The following MUC5B variants were observed in gnomAD, a reference collection of about 807,000 sequenced individuals.
The protein encoded by MUC5B is mucin 5B, oligomeric mucus/gel-forming, also known as mucin-5B.
A neutral mutation model predicts 376.9 loss-of-function variants in MUC5B; 116 were observed. That is an observed-to-expected ratio of 0.31 (90% confidence interval 0.26 to 0.36). MUC5B has a LOEUF of 0.36. MUC5B is among the 10% of genes least tolerant of loss of function. The pLI is 1.00. For missense variants in MUC5B, 7,165 were observed against 7,769.9 expected (o/e 0.92, Z 2.93); for synonymous variants, 3,517 against 3,390.9 (o/e 1.04, Z -1.29).
In MUC5B at chr11:1,243,320, C is replaced by A; in HGVS notation, c.6440C>A (p.Thr2147Asn). 6.4e-7 allele frequency: 1 copy of A among 1,557,366 alleles called. No homozygotes were observed. Among genetic ancestry groups the A allele is most frequent in the African/African-American group, 1.4e-5 (1 of 72,946 alleles). ...ATTITATGST[T>N]NPSSTPGTTP... The stretch of plus-strand genomic sequence containing the variant: ...ACGATCACGGCCACCGGCTCCACCA[C>A]CAACCCCTCCTCAACTCCTGGGACA... Residue 2147 changes from threonine to asparagine, a missense_variant, in exon 31 of 49, where the codon ACC (threonine) becomes AAC (asparagine). Thr to Asn is a moderately conservative substitution (Grantham distance 65, BLOSUM62 0). Coordinates refer to ENST00000529681, the MANE Select transcript of MUC5B (RefSeq NM_002458.3).
At chr11:1,251,870 GC>G in intron 31 of MUC5B, 127 bp downstream of exon 31, 1 of 711,012 alleles carries the variant, frequency 1.4e-6, no homozygotes, top group Non-Finnish European at 2.3e-6. Flanking sequence ...GCCTCACTTG[GC>G]CCCTCCCGGC....
rs772992784 is a variant in MUC5B, at chr11:1,244,125, C to A, written c.7245C>A (p.Pro2415=). ...RVFCCNYGHC[P]STPATSSTAM... is the part of the protein sequence containing the mutation. ...TCTGCTGCAACTACGGCCACTGCCC[C>A]AGCACCCCGGCCACCAGCTCTACGG... Residue 2415 remains proline, a synonymous_variant, in exon 31 of 49, where the codon CCC becomes CCA. Transcript: ENST00000529681. 1 of 1,611,944 alleles carries A rather than the reference C, an allele frequency of 6.2e-7. No homozygotes were observed. The highest frequency in any genetic ancestry group is 1.1e-5 in the South Asian group (1 of 91,010).
rs1325688602 is a variant in MUC5B, at chr11:1,231,436, G to T, written c.1554G>T (p.Leu518=). The change falls in exon 14 of 49, where the codon CTG becomes CTT. Residue 518 remains leucine, a synonymous_variant. Transcript: ENST00000529681. The stretch of plus-strand genomic sequence containing the variant: ...CACTCCCGGCAGCCAACATCACCCT[G>T]TTCACACCCTCGAGCTTCTTCATCG... ...QLPLSAANIT[L]FTPSSFFIVV... is the part of the protein sequence containing the mutation. 1 of 1,611,566 alleles carries T rather than the reference G, an allele frequency of 6.2e-7. No homozygotes were observed. Among genetic ancestry groups the T allele is most frequent in the East Asian group, 2.2e-5 (1 of 44,854 alleles).
At position 1,246,921 on chromosome 11, in the gene MUC5B, G is replaced by A. The variant is rs1474512347; in HGVS notation, c.10041G>A (p.Val3347=). 1.2e-6 allele frequency: 2 copies of A among 1,610,150 alleles called. No individual in the cohort carries two copies. The highest frequency in any genetic ancestry group is 1.1e-5 in the South Asian group (1 of 90,880). ...TTTPTTRGST[V]TPSSIPGTTH... The stretch of plus-strand genomic sequence containing the variant: ...CACCCACAACCAGAGGCTCCACGGT[G>A]ACCCCCTCCTCCATCCCGGGGACCA... Residue 3347 remains valine (V), a synonymous_variant, in exon 31 of 49, where the codon GTG becomes GTA. Transcript: ENST00000529681.
chr11:1,231,093 T>A lies in MUC5B; in HGVS notation c.1540+88T>A, dbSNP rs935638821. On this transcript the variant is annotated intron_variant, in intron 13 of 48. Coordinates refer to ENST00000529681, the MANE Select transcript of MUC5B (RefSeq NM_002458.3). ...GCCTGGGCAGCGTCCGCTCCATCCC[T>A]GCTAGTTCTCCGTGGCCTCGGGCAG... is the stretch of plus-strand genomic sequence containing the variant. The A allele has an allele frequency of 2.2e-6, 3 of 1,339,258 alleles. No individual in the cohort carries two copies. The African/African-American group carries it at 4.4e-5, about 20-fold the overall frequency. The allele number at this position is 1,339,258 out of a possible 1,614,324, so 83.0% of individuals were successfully genotyped here. A position where few individuals can be genotyped will look rare whatever the true frequency, so the allele number is the denominator to read the frequency against.
At position 1,258,664 on chromosome 11, in the gene MUC5B, C is replaced by T. The variant is rs1411262500; in HGVS notation, c.16594-278C>T. On this transcript the variant is annotated intron_variant, in intron 43 of 48. Transcript: ENST00000529681. This position sits in a 1 kb window ranked among gnomAD's most constrained non-coding sequence, Gnocchi z 5.5. ...CCGCCTGCCCGCCCAGATTCCTACC[C>T]GCCCGGATTCCTGCCTGCCAGATTC... is the stretch of plus-strand genomic sequence containing the variant. 3.3e-5 allele frequency among the ~76,000 whole-genome samples: 5 copies of T among 152,080 alleles called. No homozygotes were observed. The highest frequency in any genetic ancestry group is 1.9e-4 in the East Asian group (1 of 5,186).
Position 1,249,746 on chromosome 11 carries a change from C to A in MUC5B, c.12866C>A (p.Pro4289His), listed in dbSNP as rs762348716. ...PKVLTSPATT[P>H]TATSSKATSS... ...GTGCTGACCAGCCCGGCCACCACAC[C>A]CACAGCCACCAGTTCCAAAGCCACT... The change falls in exon 31 of 49, where the codon CCC becomes CAC. Residue 4289 changes from proline (P) to histidine (H), a missense_variant. Physicochemically the swap from Pro to His is moderately conservative, Grantham distance 77. Coordinates refer to ENST00000529681, the MANE Select transcript of MUC5B (RefSeq NM_002458.3). The A allele has an allele frequency of 1.9e-6, 3 of 1,612,690 alleles. No homozygotes were observed. The highest frequency in any genetic ancestry group is 1.7e-4 in the Middle Eastern group (1 of 6,060).
At chr11:1,231,664 G>C in intron 14 of MUC5B, 104 bp downstream of exon 14, 2 of 1,364,258 alleles carry the variant, frequency 1.5e-6, no homozygotes, top group Admixed American at 2.4e-5. Context: ...GGGGACCGGG[G>C]AGGGGGCTGC....
At chr11:1,227,646 C>G in intron 6 of MUC5B, 29 bp from the exon 7 acceptor site, 1 of 715,204 alleles carries the variant, frequency 1.4e-6, no homozygotes. Flanking sequence ...CCCCTCAGAG[C>G]CACCACACCC....
chr11:1,223,343 A>T (rs913689236), intron 1 of MUC5B, 150 bp downstream of exon 1: 1 of 690,666 alleles, frequency 1.4e-6, no homozygotes, highest in African/African-American at 1.8e-5. Context: ...ACCCGTCCCC[A>T]ACACAGGGCT....
At position 1,245,556 on chromosome 11, in the gene MUC5B, C is replaced by T. The variant is rs201925124; in HGVS notation, c.8676C>T (p.Gly2892=). ...DYSYPMPGPS[G]GDFDTYSNIR... is the part of the protein sequence containing the mutation. ...GCTACCCCATGCCGGGGCCCTCTGG[C>T]GGGGACTTTGACACCTACTCCAACA... Residue 2892 remains glycine, a synonymous_variant, in exon 31 of 49, where the codon GGC becomes GGT. Coordinates refer to ENST00000529681, the MANE Select transcript of MUC5B (RefSeq NM_002458.3). 2.2e-4 allele frequency: 337 copies of T among 1,560,030 alleles called. 3 individuals carry two copies. In the East Asian group the frequency reaches 3.1e-3, roughly 14 times the overall value.
At position 1,241,302 on chromosome 11, in the gene MUC5B, C is replaced by A. The variant is rs768565245; in HGVS notation, c.4422C>A (p.Ile1474=). Residue 1474 remains isoleucine (I), a synonymous_variant, in exon 31 of 49, where the codon ATC becomes ATA. Transcript: ENST00000529681. ...CCACCCTATGGGTGACCCCGAGCAT[C>A]CGGTCGACGGCGGCCCTCACCTCGC... ...EKTTLWVTPS[I]RSTAALTSQT... The A allele has an allele frequency of 6.2e-7, 1 of 1,603,598 alleles. No individual in the cohort carries two copies. The highest frequency in any genetic ancestry group is 8.5e-7 in the Non-Finnish European group (1 of 1,175,090).
chr11:1,231,817 G>A (rs1295962996), intron 14 of MUC5B, among the ~76,000 whole-genome samples, 179 bp from the exon 15 acceptor site: 11 of 152,348 alleles, frequency 7.2e-5, no homozygotes, highest in East Asian at 5.8e-4. Context: ...GCTTTGCACA[G>A]GGGCCGACTG....
In MUC5B at chr11:1,235,700, C is replaced by T. The variant is rs1172406041; in HGVS notation, c.2880+287C>T. Among the ~76,000 whole-genome samples the T allele has an allele frequency of 4.6e-5, 7 of 152,282 alleles. No homozygotes were observed. In the East Asian group the frequency reaches 1.2e-3, roughly 25 times the overall value. On this transcript the variant is annotated intron_variant, in intron 23 of 48. Coordinates refer to ENST00000529681, the MANE Select transcript of MUC5B (RefSeq NM_002458.3). ...TTCACAGGCGGCAGGCGTCCCTGGG[C>T]TGTGGCTGCCTGTGGCCTCCCGCTG... is the stretch of plus-strand genomic sequence containing the variant.
rs761246799 is a variant in MUC5B, at chr11:1,254,890, C to T, written c.15664+10C>T. On this transcript the variant is annotated intron_variant, in intron 35 of 48. Coordinates refer to ENST00000529681, the MANE Select transcript of MUC5B (RefSeq NM_002458.3). ...ACCGAGGGCCAGTGCGGTGAGTGGG[C>T]GGCGGGTCCTGCCCCGGCCAGGGCT... 77 of 1,597,788 alleles carry T rather than the reference C, an allele frequency of 4.8e-5. No homozygotes were observed. Among genetic ancestry groups the T allele is most frequent in the Non-Finnish European group, 5.7e-5 (67 of 1,173,868 alleles).
Position 1,258,079 on chromosome 11 carries a change from T to A in MUC5B, c.16451-20T>A. ...GGAGGAGTGAGCAGCGCCCAGACAG[T>A]GGCCTCCATCCTCCCGCAGTGTGCA... On this transcript the variant is annotated intron_variant, in intron 41 of 48. Coordinates refer to ENST00000529681, the MANE Select transcript of MUC5B (RefSeq NM_002458.3). The surrounding 1 kb of genome is among the most constrained non-coding windows in gnomAD (Gnocchi z 5.5). 6.4e-7 allele frequency: 1 copy of A among 1,558,186 alleles called. No individual in the cohort carries two copies. Among genetic ancestry groups the A allele is most frequent in the Non-Finnish European group, 8.7e-7 (1 of 1,151,136 alleles).
chr11:1,254,024 T>C, intron 33 of MUC5B, 68 bp from the exon 34 acceptor site: 1 of 1,551,946 alleles, frequency 6.4e-7, no homozygotes. Flanking sequence ...TGACGCTGGC[T>C]GCCATGACGC....
At position 1,233,047 on chromosome 11, in the gene MUC5B, C is replaced by G. The variant is rs2735716; in HGVS notation, c.2100C>G (p.Arg700=). ...TGCAGAACTGCCCCAAGTCCCAGCG[C>G]TACGCCTACGTGGTGGATGCCTGCC... ...KYMQNCPKSQ[R]YAYVVDACQP... Residue 700 remains arginine (R), a synonymous_variant, in exon 18 of 49, where the codon CGC becomes CGG. Transcript: ENST00000529681. 2.1e-5 allele frequency: 34 copies of G among 1,602,852 alleles called. No individual in the cohort carries two copies. Among genetic ancestry groups the G allele is most frequent in the Non-Finnish European group, 2.8e-5 (33 of 1,178,132 alleles).
chr11:1,223,068 C>A lies in MUC5B; in HGVS notation c.-56C>A. The A allele has an allele frequency of 1.5e-6, 1 of 683,376 alleles. No individual in the cohort carries two copies. The highest frequency in any genetic ancestry group is 2.7e-6 in the Non-Finnish European group (1 of 375,214). The allele number at this position is 683,376 out of a possible 1,614,324, so 42.3% of individuals were successfully genotyped here. A position where few individuals can be genotyped will look rare whatever the true frequency, so the allele number is the denominator to read the frequency against. On this transcript the variant is annotated 5_prime_UTR_variant, in exon 1 of 49. Transcript: ENST00000529681. Reference sequence around the variant, plus strand: ...CTGGGGCCCCCAGGGGAGCAAGCACCCGGCCCGGCTCCCTCCCTGCCCGTC... The same window carrying A: ...CTGGGGCCCCCAGGGGAGCAAGCACACGGCCCGGCTCCCTCCCTGCCCGTC...
Sources: allele counts gnomAD v4.1 joint callset (sites outside exome capture counted in the v4.1 genomes callset), GRCh38; gene constraint gnomAD v4.1.1; non-coding constraint Gnocchi (gnomAD v3.1); transcripts MANE v1.5; gene names NCBI Gene and HGNC (gene_info 2026-07-23, HGNC 2026-07-21).